Variants in ESR1 observed in about 807,000 individuals in gnomAD.
The protein encoded by ESR1 is estrogen receptor 1.
A neutral mutation model predicts 52.7 loss-of-function variants in ESR1; 12 were observed. The observed-to-expected ratio is 0.23, with a 90% CI of 0.15 to 0.37. The LOEUF (loss-of-function observed/expected upper bound fraction) is 0.37. ESR1 is among the 10% of genes least tolerant of loss of function. The pLI, the probability that ESR1 is intolerant of heterozygous loss-of-function variation, is 1.00. For synonymous variants in ESR1, 305 were observed against 316.8 expected (o/e 0.96, Z 0.39); for missense variants, 584 against 779.7 (o/e 0.75, Z 2.99).
intron 4 of ESR1, among the ~76,000 whole-genome samples, chr6:151,991,019 A>G (rs1451280287): frequency 6.6e-6 from 1 of 152,210 alleles, no homozygotes; most frequent in African/African-American, 2.4e-5. Context: ...AAGTCTAGGA[A>G]CCATACCTTC....
intron 1 of ESR1, among the ~76,000 whole-genome samples, chr6:151,660,845 A>G (rs931205958): frequency 2.6e-5 from 4 of 152,220 alleles, no homozygotes; most frequent in African/African-American, 9.7e-5. Flanking sequence ...CATTTGTAGG[A>G]CAGTGCTTTT....
At chr6:152,105,216 C>A (rs2051049062), downstream of ESR1, among the ~76,000 whole-genome samples, 1 of 152,048 alleles carries the variant, frequency 6.6e-6, no homozygotes, top group Non-Finnish European at 1.5e-5. Context: ...ATGAATCAAG[C>A]CCAAGGAGGG....
chr6:151,682,131 CAT>C (rs1263790003), intron 1 of ESR1, among the ~76,000 whole-genome samples: 2 of 152,194 alleles, frequency 1.3e-5, no homozygotes, highest in African/African-American at 2.4e-5. Flanking sequence ...TTGATTTTCA[CAT>C]GGAGTGTTTG....
At chr6:151,705,658 A>G (rs1010665966) in intron 2 of ESR1, among the ~76,000 whole-genome samples, 4 of 152,182 alleles carry the variant, frequency 2.6e-5, no homozygotes, top group African/African-American at 9.7e-5. Flanking sequence ...CCATTCTTAC[A>G]GGTACCTATC....
At chr6:151,708,377 C>T (rs1780335035) in intron 2 of ESR1, among the ~76,000 whole-genome samples, 1 of 152,112 alleles carries the variant, frequency 6.6e-6, no homozygotes, top group Non-Finnish European at 1.5e-5. Flanking sequence ...GCTGTCATTA[C>T]AAATATTCTT....
intron 3 of ESR1, among the ~76,000 whole-genome samples, chr6:151,891,527 G>A (rs1337475868): frequency 1.3e-5 from 2 of 152,084 alleles, no homozygotes; most frequent in Non-Finnish European, 2.9e-5. Flanking sequence ...CTAATGGGTA[G>A]TTTTTAGAGC....
At chr6:151,784,317 G>T (rs539337035) in intron 2 of ESR1, among the ~76,000 whole-genome samples, 13 of 152,044 alleles carry the variant, frequency 8.6e-5, no homozygotes, top group African/African-American at 3.1e-4. Flanking sequence ...TAGCTTCATG[G>T]ATATTTATTT....
intron 5 of ESR1, among the ~76,000 whole-genome samples, chr6:152,042,038 G>A (rs778664126): frequency 4.6e-5 from 7 of 152,306 alleles, no homozygotes; most frequent in Non-Finnish European, 7.3e-5. Flanking sequence ...AAAGTTGAAC[G>A]GGGATGTGGT....
At chr6:151,749,288 G>A (rs76519298) in intron 2 of ESR1, among the ~76,000 whole-genome samples, 2,911 of 151,880 alleles carry the variant, frequency 0.019, 38 homozygotes, top group East Asian at 0.033. Flanking sequence ...TTTTAACTTC[G>A]ATTGTCATAT....
In ESR1 at chr6:152,094,377, G is replaced by A. The variant is rs373090156; in HGVS notation, c.1370-8G>A. The A allele has an allele frequency of 3.9e-5, 63 of 1,613,130 alleles. No homozygotes were observed. Among genetic ancestry groups the A allele is most frequent in the Middle Eastern group, 1.6e-4 (1 of 6,062 alleles). On this transcript the variant is annotated splice_region_variant and splice_polypyrimidine_tract_variant and intron_variant, in intron 6 of 7. Coordinates refer to ENST00000206249, the MANE Select transcript of ESR1 (RefSeq NM_000125.4). This position sits in a 1 kb window ranked among gnomAD's most constrained non-coding sequence, Gnocchi z 4.6. ...CTTCTCTCTCTCACTCTCTCTCTGC[G>A]CATTCAGGAGTGTACACATTTCTGT...
intron 6 of ESR1, among the ~76,000 whole-genome samples, chr6:152,109,004 A>T (rs996995597): frequency 3.9e-5 from 6 of 152,188 alleles, no homozygotes; most frequent in African/African-American, 1.4e-4. Context: ...AAACTCAATC[A>T]TGGCAGAAGG....
intron 1 of ESR1, chr6:151,813,200 G>A (rs758432649): frequency 3.9e-5 from 6 of 152,044 alleles, no homozygotes; most frequent in South Asian, 2.1e-4. Context: ...TAAATTATGT[G>A]TATATTTTTA....
intron 2 of ESR1, among the ~76,000 whole-genome samples, chr6:151,785,341 C>T (rs1786918312): frequency 1.3e-5 from 2 of 152,142 alleles, no homozygotes; most frequent in African/African-American, 4.8e-5. Flanking sequence ...AGGGAAGGAA[C>T]CAGTTCTGCC....
intron 5 of ESR1, among the ~76,000 whole-genome samples, chr6:152,039,684 C>T (rs1177564847): frequency 6.6e-6 from 1 of 152,086 alleles, no homozygotes; most frequent in African/African-American, 2.4e-5. Flanking sequence ...ATGGGAGAAA[C>T]AGTACCAAAT....
At chr6:151,725,503 G>A (rs181522165) in intron 2 of ESR1, among the ~76,000 whole-genome samples, 11 of 152,274 alleles carry the variant, frequency 7.2e-5, no homozygotes, top group South Asian at 2.1e-4. Context: ...TTGGTTTTCT[G>A]AGTAAATTCT....
intron 5 of ESR1, among the ~76,000 whole-genome samples, chr6:152,035,436 A>T (rs2045206275): frequency 2.0e-5 from 3 of 152,092 alleles, no homozygotes; most frequent in Admixed American, 6.5e-5. Context: ...GTAATATCAT[A>T]AAACATTAAA....
At chr6:151,820,812 G>A (rs922111842) in intron 1 of ESR1, among the ~76,000 whole-genome samples, 2 of 152,074 alleles carry the variant, frequency 1.3e-5, no homozygotes, top group Admixed American at 6.5e-5. Context: ...ATTAAGTAGG[G>A]GGATGTTTTT....
At chr6:152,104,254 A>G (rs577269775), downstream of ESR1, among the ~76,000 whole-genome samples, 3 of 152,242 alleles carry the variant, frequency 2.0e-5, no homozygotes, top group Middle Eastern at 0.01. Context: ...CAGGAAACTA[A>G]TTCATTTTCT....
intron 2 of ESR1, among the ~76,000 whole-genome samples, chr6:151,849,455 C>T (rs1187440722): frequency 6.6e-6 from 1 of 152,030 alleles, no homozygotes; most frequent in Admixed American, 6.6e-5. Flanking sequence ...ACCAGCCTGA[C>T]CAACATGGTG....
Sources: allele counts gnomAD v4.1 joint callset (sites outside exome capture counted in the v4.1 genomes callset), GRCh38; gene constraint gnomAD v4.1.1; non-coding constraint Gnocchi (gnomAD v3.1); transcripts MANE v1.5; gene names NCBI Gene and HGNC (gene_info 2026-07-23, HGNC 2026-07-21).